The following RBM19 variants were observed in gnomAD, a reference collection of about 807,000 sequenced individuals.
RBM19 encodes RNA binding motif protein 19, also known as probable RNA-binding protein 19.
A neutral mutation model predicts 116.8 loss-of-function variants in RBM19; 94 were observed. The ratio of observed to expected loss-of-function variants is 0.80; its 90% CI spans 0.68 to 0.95. The LOEUF is 0.95. RBM19 is among the 40% of genes least tolerant of loss of function. The pLI is 0.00. For synonymous variants in RBM19, 475 were observed against 494.1 expected, an observed-to-expected ratio of 0.96 and a Z score of 0.51; for missense variants, 1,161 against 1,220.7, an observed-to-expected ratio of 0.95 and a Z score of 0.73.
intron 21 of RBM19, among the ~76,000 whole-genome samples, chr12:113,902,593 A>G (rs914668547): frequency 2.0e-5 from 2 of 101,982 alleles, no homozygotes; most frequent in African/African-American, 6.1e-5. Flanking sequence ...AATGAGACCC[A>G]GTCTCAAAAA....
chr12:113,904,044 AT>A (rs1187051202), intron 21 of RBM19, among the ~76,000 whole-genome samples: 2 of 152,194 alleles, frequency 1.3e-5, no homozygotes, highest in African/African-American at 4.8e-5. Flanking sequence ...GGACTCCTAC[AT>A]TCTGTCTTGG....
chr12:113,855,469 C>T (rs892145569), intron 22 of RBM19, among the ~76,000 whole-genome samples: 8 of 152,144 alleles, frequency 5.3e-5, no homozygotes, highest in Non-Finnish European at 1.0e-4. Context: ...AAGAGGTGGC[C>T]GATGCCAACA....
intron 16 of RBM19, among the ~76,000 whole-genome samples, chr12:113,928,604 G>C (rs553195737): frequency 1.4e-5 from 2 of 147,370 alleles, no homozygotes; most frequent in East Asian, 4.2e-4. Flanking sequence ...GAGCAGATGT[G>C]AAGTTGTGAG....
intron 21 of RBM19, among the ~76,000 whole-genome samples, chr12:113,914,197 A>T (rs1882628309): frequency 6.6e-6 from 1 of 152,236 alleles, no homozygotes; most frequent in Admixed American, 6.5e-5. Context: ...TTTCTCTTTC[A>T]AAACATGGGA....
chr12:113,859,844 G>GCA (rs1283570030), intron 21 of RBM19, among the ~76,000 whole-genome samples: 1 of 120,372 alleles, frequency 8.3e-6, no homozygotes, highest in African/African-American at 2.6e-5. Flanking sequence ...GGCTGCCTGG[G>GCA]CACACACACA....
intron 22 of RBM19, among the ~76,000 whole-genome samples, chr12:113,854,254 C>A (rs1877700317): frequency 1.3e-5 from 2 of 152,162 alleles, no homozygotes; most frequent in Admixed American, 1.3e-4. Flanking sequence ...ACCATCCCTG[C>A]CAAAGACGGG....
intron 12 of RBM19, among the ~76,000 whole-genome samples, chr12:113,946,150 T>C (rs748311948): frequency 3.9e-5 from 6 of 152,184 alleles, no homozygotes; most frequent in Non-Finnish European, 8.8e-5. Flanking sequence ...GAACTTCACA[T>C]ACATTCACTC....
At chr12:113,832,542 A>G (rs961739447) in intron 23 of RBM19, among the ~76,000 whole-genome samples, 8 of 151,616 alleles carry the variant, frequency 5.3e-5, no homozygotes, top group African/African-American at 1.9e-4. Flanking sequence ...ATATTCCCAC[A>G]CCCCACCCAG....
Position 113,825,396 on chromosome 12 carries a change from T to A in RBM19, c.2786-2075A>T, listed in dbSNP as rs2135679864. On this transcript the variant is annotated intron_variant, in intron 23 of 23. Transcript: ENST00000261741. The surrounding 1 kb of genome is among the most constrained non-coding windows in gnomAD (Gnocchi z 5.7). ...CGGACTCCGGCTTCCTCTCCTTCCT[T>A]GTGACCTCCTAGACACTCTTGGTTT... Among the ~76,000 whole-genome samples, 1 of 152,320 alleles carries A rather than the reference T, an allele frequency of 6.6e-6. No individual in the cohort carries two copies. Among genetic ancestry groups the A allele is most frequent in the East Asian group, 1.9e-4 (1 of 5,176 alleles).
At chr12:113,914,617 C>G (rs1049894343) in intron 21 of RBM19, among the ~76,000 whole-genome samples, 6 of 152,320 alleles carry the variant, frequency 3.9e-5, no homozygotes, top group Non-Finnish European at 7.3e-5. Flanking sequence ...AAAGGGGTAG[C>G]CTGGATGGAG....
In RBM19 at chr12:113,849,556, C is replaced by T. The variant is rs547821434; in HGVS notation, c.2665-4768G>A. On this transcript the variant is annotated intron_variant, in intron 22 of 23. Transcript: ENST00000261741. ...GAGTGGGACATTTGGCCTTTTGAAA[C>T]GATACACAAATAATCTTGGGTCTGG... Among the ~76,000 whole-genome samples, 8 of 152,342 alleles carry T rather than the reference C, an allele frequency of 5.3e-5. No homozygotes were observed. In the South Asian group the frequency reaches 1.4e-3, roughly 28 times the overall value.
At chr12:113,848,096 A>G (rs1161451764) in intron 22 of RBM19, among the ~76,000 whole-genome samples, 2 of 152,194 alleles carry the variant, frequency 1.3e-5, no homozygotes, top group African/African-American at 4.8e-5. Context: ...CCTCATATGT[A>G]AAAGGAGGGC....
intron 21 of RBM19, among the ~76,000 whole-genome samples, chr12:113,896,739 C>T (rs942017934): frequency 1.3e-5 from 2 of 152,082 alleles, no homozygotes; most frequent in African/African-American, 2.4e-5. Flanking sequence ...GTGAAATGTA[C>T]GAAGAGTCGA....
intron 15 of RBM19, 79 bp downstream of exon 15, chr12:113,939,881 T>C (rs377352570): frequency 1.8e-5 from 26 of 1,467,880 alleles, no homozygotes; most frequent in Admixed American, 3.5e-5. Flanking sequence ...TGTGAATCCA[T>C]AGCCCACTGC....
chr12:113,836,373 C>T (rs908211033), intron 23 of RBM19, among the ~76,000 whole-genome samples: 2 of 152,172 alleles, frequency 1.3e-5, no homozygotes, highest in African/African-American at 4.8e-5. Flanking sequence ...TTTACAATGA[C>T]TTTCAAAGCC....
intron 18 of RBM19, 96 bp downstream of exon 18, chr12:113,924,601 G>A: frequency 9.0e-7 from 1 of 1,108,220 alleles, no homozygotes; most frequent in Non-Finnish European, 1.4e-6. Context: ...GTGCAAGGGA[G>A]AACTACCCCA....
intron 2 of RBM19, among the ~76,000 whole-genome samples, chr12:113,961,237 G>A (rs1428854521): frequency 6.6e-6 from 1 of 152,060 alleles, no homozygotes; most frequent in Non-Finnish European, 1.5e-5. Flanking sequence ...TGTTGCACAG[G>A]CTGGTCTTGA....
intron 23 of RBM19, among the ~76,000 whole-genome samples, chr12:113,831,952 A>G (rs1875456097): frequency 1.3e-5 from 2 of 152,128 alleles, no homozygotes; most frequent in Admixed American, 6.5e-5. Flanking sequence ...GGCTCCCTGC[A>G]TGGCCAGCCA....
Position 113,940,177 on chromosome 12 carries a change from C to T in RBM19, c.1738-17G>A, listed in dbSNP as rs376984077. The T allele has an allele frequency of 1.2e-6, 2 of 1,608,294 alleles. No homozygotes were observed. Among genetic ancestry groups the T allele is most frequent in the Non-Finnish European group, 1.7e-6 (2 of 1,176,190 alleles). ...TGCTGCAGCCTGCAAAGAGGAAATG[C>T]ACACACATGGGACCACAGGAGGGAG... On this transcript the variant is annotated splice_polypyrimidine_tract_variant and intron_variant, in intron 14 of 23. Transcript: ENST00000261741.
Sources: allele counts gnomAD v4.1 joint callset (sites outside exome capture counted in the v4.1 genomes callset), GRCh38; gene constraint gnomAD v4.1.1; non-coding constraint Gnocchi (gnomAD v3.1); transcripts MANE v1.5; gene names NCBI Gene and HGNC (gene_info 2026-07-23, HGNC 2026-07-21).